MAP3K7: variants seen among roughly 807,000 people sequenced by gnomAD.
MAP3K7 encodes the protein TGF-beta activated kinase 1.
In MAP3K7, 21 loss-of-function variants were observed where a neutral mutation model predicts 84.8. The observed-to-expected ratio is 0.25, with a 90% confidence interval of 0.18 to 0.36. MAP3K7 has a LOEUF of 0.36. Among genes scored for constraint, MAP3K7 ranks in the 10% least tolerant of loss-of-function variants. The probability of loss-of-function intolerance (pLI) is 1.00; values close to 1 mark genes in which losing one functional copy is unlikely to be tolerated. For synonymous variants in MAP3K7, 241 were observed against 247.7 expected (o/e 0.97, Z 0.25); for missense variants, 503 against 747.7 (o/e 0.67, Z 3.82).
At chr6:90,549,826 G>A (rs1776124733) in intron 9 of MAP3K7, among the ~76,000 whole-genome samples, 1 of 152,066 alleles carries the variant, frequency 6.6e-6, no homozygotes, top group South Asian at 2.1e-4. Flanking sequence ...TCTTGAGGTG[G>A]GAGAAATAGA....
chr6:90,576,551 A>C (rs1777089279), intron 1 of MAP3K7, among the ~76,000 whole-genome samples: 1 of 152,094 alleles, frequency 6.6e-6, no homozygotes, highest in African/African-American at 2.4e-5. Flanking sequence ...ATGTGAGCCC[A>C]ATCTAAGGGC....
In MAP3K7 at chr6:90,526,534, C is replaced by G. The variant is rs550753608; in HGVS notation, c.1357-2751G>C. On this transcript the variant is annotated intron_variant, in intron 13 of 16. Coordinates refer to ENST00000369329, the MANE Select transcript of MAP3K7 (RefSeq NM_145331.3). ...ACTTTTAACGTGAATCATGCTAATA[C>G]TTGGGGATGTGACTATAAGAGCATT... Among the ~76,000 whole-genome samples, 23 of 151,978 alleles carry G rather than the reference C, an allele frequency of 1.5e-4. No individual in the cohort carries two copies. The South Asian group carries it at 4.6e-3, about 30-fold the overall frequency.
intron 1 of MAP3K7, among the ~76,000 whole-genome samples, chr6:90,575,373 A>G (rs1375864626): frequency 6.6e-6 from 1 of 152,152 alleles, no homozygotes; most frequent in Non-Finnish European, 1.5e-5. Context: ...GTAGGGATTC[A>G]ACAGCAAAAA....
intron 13 of MAP3K7, among the ~76,000 whole-genome samples, chr6:90,534,157 C>T (rs1442747332): frequency 6.6e-6 from 1 of 152,152 alleles, no homozygotes; most frequent in African/African-American, 2.4e-5. Flanking sequence ...AGTTTACTTT[C>T]CTCTGCAAGA....
chr6:90,550,304 A>C lies in MAP3K7; in HGVS notation c.949+164T>G, dbSNP rs528834707. The stretch of plus-strand genomic sequence containing the variant: ...CAATAACTCTTTAATCAGGGTACCT[A>C]CATGAAGAATGACGCACCTGTAAAC... On this transcript the variant is annotated intron_variant, in intron 9 of 16. Transcript: ENST00000369329. Among the ~76,000 whole-genome samples, 7 of 152,322 alleles carry C rather than the reference A, an allele frequency of 4.6e-5. No homozygotes were observed. In the East Asian group the frequency reaches 1.3e-3, roughly 29 times the overall value.
In MAP3K7 at chr6:90,518,570, T is replaced by C. The variant is rs374556317; in HGVS notation, c.1525-8A>G. ...TGGGCACGGTGCTAGAGGCTGAAAA[T>C]AATCAGGAATGTTAAAACATAATTA... On this transcript the variant is annotated splice_region_variant and splice_polypyrimidine_tract_variant and intron_variant, in intron 15 of 16. Coordinates refer to ENST00000369329, the MANE Select transcript of MAP3K7 (RefSeq NM_145331.3). 9 of 1,393,292 alleles carry C rather than the reference T, an allele frequency of 6.5e-6. No individual in the cohort carries two copies. Among genetic ancestry groups the C allele is most frequent in the African/African-American group, 1.4e-5 (1 of 70,362 alleles). 86.3% of individuals were successfully genotyped at this position (1,393,292 alleles called of 1,614,324 possible).
intron 1 of MAP3K7, among the ~76,000 whole-genome samples, chr6:90,582,770 T>C (rs533341364): frequency 6.6e-6 from 1 of 152,336 alleles, no homozygotes; most frequent in East Asian, 1.9e-4. Context: ...ATTTACACTA[T>C]ATTCAGTTTT....
At chr6:90,530,291 A>G (rs1226711674) in intron 13 of MAP3K7, among the ~76,000 whole-genome samples, 3 of 152,222 alleles carry the variant, frequency 2.0e-5, no homozygotes, top group Non-Finnish European at 4.4e-5. Context: ...AAAATACAGT[A>G]GAAGTAATAA....
intron 13 of MAP3K7, among the ~76,000 whole-genome samples, chr6:90,527,530 G>A (rs1166191956): frequency 2.6e-5 from 4 of 152,074 alleles, no homozygotes; most frequent in South Asian, 4.1e-4. Context: ...GCCTCCTAAC[G>A]TGCTGGGATT....
intron 4 of MAP3K7, 88 bp from the exon 5 acceptor site, chr6:90,560,302 C>G: frequency 7.3e-7 from 1 of 1,366,526 alleles, no homozygotes; most frequent in South Asian, 1.3e-5. Flanking sequence ...GAACACATGA[C>G]TGGGTATTTT....
intron 1 of MAP3K7, among the ~76,000 whole-genome samples, chr6:90,582,878 ATC>A (rs1228093518): frequency 2.1e-5 from 3 of 142,146 alleles, no homozygotes; most frequent in Non-Finnish European, 3.0e-5. Context: ...TTCTTCTATC[ATC>A]TTTTTTTTTT....
chr6:90,557,836 C>T (rs1776382440), intron 5 of MAP3K7, among the ~76,000 whole-genome samples: 1 of 152,186 alleles, frequency 6.6e-6, no homozygotes, highest in Non-Finnish European at 1.5e-5. Context: ...TACTTTCACA[C>T]TGTTAAGATT....
chr6:90,535,493 T>TTA (rs1775641789), intron 13 of MAP3K7, among the ~76,000 whole-genome samples: 1 of 151,992 alleles, frequency 6.6e-6, no homozygotes, highest in African/African-American at 2.4e-5. Flanking sequence ...TTCATTACTT[T>TTA]TATGCTGCTC....
chr6:90,572,192 A>AT (rs1280869222), intron 1 of MAP3K7, among the ~76,000 whole-genome samples: 1 of 152,080 alleles, frequency 6.6e-6, no homozygotes, highest in Non-Finnish European at 1.5e-5. Flanking sequence ...ACATATAATA[A>AT]ATATTTTCAG....
chr6:90,535,042 T>C (rs1441349599), intron 13 of MAP3K7, among the ~76,000 whole-genome samples: 1 of 152,092 alleles, frequency 6.6e-6, no homozygotes, highest in East Asian at 1.9e-4. Flanking sequence ...CACTAAATAA[T>C]GAAATCAAGA....
chr6:90,555,513 CCAAAGT>C (rs935301823), intron 6 of MAP3K7, among the ~76,000 whole-genome samples: 1 of 152,186 alleles, frequency 6.6e-6, no homozygotes, highest in African/African-American at 2.4e-5. Flanking sequence ...CCTCAGCCTC[CCAAAGT>C]GCTGAGATTA....
chr6:90,552,352 T>C (rs553473148), intron 7 of MAP3K7, among the ~76,000 whole-genome samples, 173 bp from the exon 8 acceptor site: 2 of 152,294 alleles, frequency 1.3e-5, no homozygotes, highest in East Asian at 3.9e-4. Context: ...AGTTAGTTCT[T>C]TTACTCTTTA....
chr6:90,586,929 C>A lies in MAP3K7; in HGVS notation c.-46G>T. On this transcript the variant is annotated 5_prime_UTR_variant, in exon 1 of 17. Coordinates refer to ENST00000369329, the MANE Select transcript of MAP3K7 (RefSeq NM_145331.3). ...GGGGCCGGGAACGGTGCCACCCGGA[C>A]AATCCGGGTGAGACCCGCGCCCACC... is the stretch of plus-strand genomic sequence containing the variant. 6.4e-7 allele frequency: 1 copy of A among 1,563,108 alleles called. No homozygotes were observed. The highest frequency in any genetic ancestry group is 8.6e-7 in the Non-Finnish European group (1 of 1,161,406).
chr6:90,519,329 A>C lies in MAP3K7; in HGVS notation c.1463-10T>G. On this transcript the variant is annotated splice_polypyrimidine_tract_variant and intron_variant, in intron 14 of 16. Coordinates refer to ENST00000369329, the MANE Select transcript of MAP3K7 (RefSeq NM_145331.3). ...TCTGATCCATTGGTATCTGGAATTCAAGCATGTATTTTATTGATTTTCTGT... is the reference window on the plus strand; with the variant it reads ...TCTGATCCATTGGTATCTGGAATTCCAGCATGTATTTTATTGATTTTCTGT... The C allele has an allele frequency of 6.5e-7, 1 of 1,548,666 alleles. No homozygotes were observed. Among genetic ancestry groups the C allele is most frequent in the Non-Finnish European group, 8.7e-7 (1 of 1,142,948 alleles).
Sources: gnomAD v4.1 joint callset for allele counts (sites outside exome capture counted in the v4.1 genomes callset) on GRCh38, gnomAD v4.1.1 for gene constraint, MANE v1.5 for transcripts, NCBI Gene and HGNC (gene_info 2026-07-23, HGNC 2026-07-21) for gene names.